The following ARB2A variants were observed in gnomAD, a reference collection of about 807,000 sequenced individuals.
ARB2A encodes the protein ARB2 cotranscriptional regulator A.
chr5:93,779,974 T>A, the ARB2A span, among the ~76,000 whole-genome samples: 456 of 152,284 alleles, frequency 3.0e-3, 3 homozygotes, highest in Non-Finnish European at 4.1e-3. Context: ...TAACTTTTTT[T>A]AAATAAAAAC....
At chr5:93,852,167 C>G in the ARB2A span, among the ~76,000 whole-genome samples, 3 of 152,130 alleles carry the variant, frequency 2.0e-5, no homozygotes, top group Non-Finnish European at 1.5e-5. Flanking sequence ...GAGATGGTAT[C>G]TCACTGTGGT....
chr5:93,751,425 A>G, the ARB2A span, among the ~76,000 whole-genome samples: 1 of 152,224 alleles, frequency 6.6e-6, no homozygotes, highest in African/African-American at 2.4e-5. Flanking sequence ...ATCAAATATC[A>G]GTTAAATTAA....
the ARB2A span, among the ~76,000 whole-genome samples, chr5:94,044,901 T>C: frequency 2.6e-5 from 4 of 151,954 alleles, no homozygotes; most frequent in South Asian, 8.3e-4. Flanking sequence ...GTGGATCACC[T>C]GAGGTCACGA....
chr5:94,058,600 A>AT, the ARB2A span, among the ~76,000 whole-genome samples: 1 of 152,238 alleles, frequency 6.6e-6, no homozygotes, highest in Non-Finnish European at 1.5e-5. Context: ...AGCAAATATA[A>AT]TTACAGAAGA....
chr5:93,664,746 T>A, the ARB2A span, among the ~76,000 whole-genome samples: 2 of 151,978 alleles, frequency 1.3e-5, no homozygotes, highest in Non-Finnish European at 2.9e-5. Context: ...ATATATTAGC[T>A]CTACACTTAC....
At chr5:93,990,544 C>T in the ARB2A span, among the ~76,000 whole-genome samples, 1 of 141,732 alleles carries the variant, frequency 7.1e-6, no homozygotes, top group African/African-American at 2.6e-5. Flanking sequence ...TAAAAAGATA[C>T]TCTTTCACAA....
At chr5:94,086,556 G>T in the ARB2A span, among the ~76,000 whole-genome samples, 2 of 152,016 alleles carry the variant, frequency 1.3e-5, no homozygotes, top group Non-Finnish European at 2.9e-5. Flanking sequence ...TATGTGTTTG[G>T]TTTTTGTTTT....
the ARB2A span, among the ~76,000 whole-genome samples, chr5:93,959,422 C>A: frequency 6.6e-6 from 1 of 151,954 alleles, no homozygotes; most frequent in East Asian, 1.9e-4. Flanking sequence ...TGCCCACGGT[C>A]ACACAACTAT....
chr5:93,705,940 C>A, the ARB2A span, among the ~76,000 whole-genome samples: 2 of 152,140 alleles, frequency 1.3e-5, no homozygotes, highest in East Asian at 3.9e-4. Flanking sequence ...CATAAACTGG[C>A]CTTTTAACCT....
the ARB2A span, among the ~76,000 whole-genome samples, chr5:93,751,331 G>A: frequency 5.3e-5 from 8 of 152,132 alleles, no homozygotes; most frequent in South Asian, 2.1e-4. Flanking sequence ...GAATAGTTAC[G>A]GTCAGATATG....
the ARB2A span, among the ~76,000 whole-genome samples, chr5:93,766,646 C>T: frequency 6.6e-6 from 1 of 152,124 alleles, no homozygotes; most frequent in Admixed American, 6.5e-5. Context: ...CCTCAGGGAT[C>T]TAGAACTAGA....
At chr5:94,058,513 G>A in the ARB2A span, among the ~76,000 whole-genome samples, 2 of 152,074 alleles carry the variant, frequency 1.3e-5, no homozygotes, top group African/African-American at 4.8e-5. Context: ...ATACCAAAGT[G>A]AGAACTGGAA....
the ARB2A span, among the ~76,000 whole-genome samples, chr5:93,935,360 A>C: frequency 6.6e-6 from 1 of 152,284 alleles, no homozygotes; most frequent in Admixed American, 6.5e-5. Context: ...ATATGAAGGG[A>C]ATTTTGGGCA....
At chr5:93,759,022 G>A in the ARB2A span, among the ~76,000 whole-genome samples, 37 of 152,074 alleles carry the variant, frequency 2.4e-4, no homozygotes, top group African/African-American at 8.9e-4. Context: ...AAGAAAAGAA[G>A]AGAAAAAATC....
chr5:93,775,264 A>G, the ARB2A span, among the ~76,000 whole-genome samples: 1 of 152,146 alleles, frequency 6.6e-6, no homozygotes, highest in Non-Finnish European at 1.5e-5. Context: ...ATATGTACAC[A>G]TATTTTCAAC....
the ARB2A span, among the ~76,000 whole-genome samples, chr5:93,811,639 G>C: frequency 1.3e-5 from 2 of 152,064 alleles, no homozygotes; most frequent in Non-Finnish European, 2.9e-5. Context: ...CTGTTACAAA[G>C]TGAGGTCATA....
chr5:94,042,848 CTTG>C, the ARB2A span, among the ~76,000 whole-genome samples: 1 of 151,964 alleles, frequency 6.6e-6, no homozygotes, highest in South Asian at 2.1e-4. Context: ...TTTATATAAA[CTTG>C]TTATTAGTAC....
the ARB2A span, among the ~76,000 whole-genome samples, chr5:93,871,383 T>A: frequency 6.6e-6 from 1 of 152,192 alleles, no homozygotes; most frequent in Non-Finnish European, 1.5e-5. Flanking sequence ...ACCAATGGAT[T>A]TTTATGAGTA....
chr5:93,805,996 G>C, the ARB2A span: 3 of 934,892 alleles, frequency 3.2e-6, no homozygotes, highest in Non-Finnish European at 1.3e-6. Context: ...TTTATATCTA[G>C]TAGAAGCTTA....
Sources: allele counts gnomAD v4.1 joint callset (sites outside exome capture counted in the v4.1 genomes callset), GRCh38; gene constraint gnomAD v4.1.1; transcripts MANE v1.5; gene names NCBI Gene and HGNC (gene_info 2026-07-23, HGNC 2026-07-21).